The following PLCH1 variants were observed in gnomAD, a reference collection of about 807,000 sequenced individuals.
The protein encoded by PLCH1 is phospholipase C eta 1.
In PLCH1, 60 loss-of-function variants were observed where a neutral mutation model predicts 126.7. The ratio of observed to expected loss-of-function variants is 0.47; its 90% CI spans 0.38 to 0.59. The LOEUF is 0.59. PLCH1 is among the 20% of genes least tolerant of loss of function. PLCH1 has a pLI of 0.00. For synonymous variants in PLCH1, 719 were observed against 734.9 expected, an observed-to-expected ratio of 0.98 and a Z score of 0.35; for missense variants, 1,723 against 2,040.0, an observed-to-expected ratio of 0.84 and a Z score of 2.99.
intron 2 of PLCH1, among the ~76,000 whole-genome samples, chr3:155,650,637 T>C (rs974901679): frequency 6.6e-6 from 1 of 152,166 alleles, no homozygotes; most frequent in Admixed American, 6.5e-5. Flanking sequence ...GTGACGCACA[T>C]TATACCTACC....
chr3:155,736,888 C>T (rs577495881), intron 1 of PLCH1, among the ~76,000 whole-genome samples: 8 of 149,268 alleles, frequency 5.4e-5, no homozygotes, highest in Non-Finnish European at 1.2e-4. Flanking sequence ...TTTATTTTTT[C>T]TTTCATTTTA....
intron 11 of PLCH1, among the ~76,000 whole-genome samples, chr3:155,516,296 A>C (rs761010493): frequency 6.6e-6 from 1 of 152,218 alleles, no homozygotes; most frequent in African/African-American, 2.4e-5. Context: ...ACACGGCATT[A>C]CTACCTGAGT....
chr3:155,588,805 G>A (rs1252185997), intron 4 of PLCH1, among the ~76,000 whole-genome samples: 1 of 152,060 alleles, frequency 6.6e-6, no homozygotes, highest in Non-Finnish European at 1.5e-5. Flanking sequence ...TTGTGACAGT[G>A]GGTTACTCAT....
chr3:155,712,569 A>T (rs922056295), intron 1 of PLCH1, among the ~76,000 whole-genome samples: 2 of 152,120 alleles, frequency 1.3e-5, no homozygotes, highest in Non-Finnish European at 2.9e-5. Context: ...AAAAAAGGTA[A>T]ATCTTTAAAA....
At chr3:155,696,470 T>C (rs1745812127) in intron 2 of PLCH1, among the ~76,000 whole-genome samples, 1 of 152,190 alleles carries the variant, frequency 6.6e-6, no homozygotes, top group Non-Finnish European at 1.5e-5. Context: ...AATCTACTCA[T>C]GGAAAGATTT....
At chr3:155,684,223 A>C (rs1035712002) in intron 2 of PLCH1, among the ~76,000 whole-genome samples, 2 of 152,200 alleles carry the variant, frequency 1.3e-5, no homozygotes, top group Non-Finnish European at 2.9e-5. Context: ...CACTACATAT[A>C]CAGACTGGTC....
intron 2 of PLCH1, among the ~76,000 whole-genome samples, chr3:155,633,650 C>A (rs1738349832): frequency 6.6e-6 from 1 of 152,150 alleles, no homozygotes; most frequent in Non-Finnish European, 1.5e-5. Context: ...GCCAGGTGCG[C>A]TGGCCCACGC....
intron 2 of PLCH1, among the ~76,000 whole-genome samples, chr3:155,651,000 T>G (rs1211781394): frequency 1.3e-5 from 2 of 151,928 alleles, no homozygotes; most frequent in Non-Finnish European, 2.9e-5. Context: ...ATCACATCAT[T>G]GTACTCCAGC....
chr3:155,695,176 A>C (rs938760043), intron 2 of PLCH1, among the ~76,000 whole-genome samples: 1 of 152,226 alleles, frequency 6.6e-6, no homozygotes, highest in Non-Finnish European at 1.5e-5. Context: ...ATGTATAACC[A>C]ACATGGAAAG....
intron 11 of PLCH1, 78 bp from the exon 12 acceptor site, chr3:155,514,962 A>G (rs551436753): frequency 1.2e-5 from 11 of 897,600 alleles, no homozygotes; most frequent in African/African-American, 1.7e-5. Flanking sequence ...TCAAGCCACA[A>G]TTGCTTCTAT....
chr3:155,548,583 A>T (rs1725697331), intron 10 of PLCH1, among the ~76,000 whole-genome samples: 1 of 152,222 alleles, frequency 6.6e-6, no homozygotes, highest in African/African-American at 2.4e-5. Context: ...TTCTGCATTT[A>T]ACATCCTGAC....
chr3:155,702,525 A>G lies in PLCH1; in HGVS notation c.79+1621T>C, dbSNP rs59713077. Among the ~76,000 whole-genome samples the G allele has an allele frequency of 1.4e-3, 218 of 152,310 alleles. 2 individuals carry two copies. In the East Asian group the frequency reaches 0.037, roughly 26 times the overall value. On this transcript the variant is annotated intron_variant, in intron 2 of 22. Transcript: ENST00000460012. The stretch of plus-strand genomic sequence containing the variant: ...GTCCTTGAAAGGATTCCGTATGACA[A>G]TGTTAATGGTCATCAAGCCCTTAGC...
chr3:155,737,127 G>T (rs547339837), intron 1 of PLCH1, among the ~76,000 whole-genome samples: 2 of 150,406 alleles, frequency 1.3e-5, no homozygotes, highest in South Asian at 4.2e-4. Flanking sequence ...AGCTACTCCC[G>T]AGGCTGAGGC....
At chr3:155,610,556 T>C (rs1373566299) in intron 2 of PLCH1, among the ~76,000 whole-genome samples, 1 of 152,006 alleles carries the variant, frequency 6.6e-6, no homozygotes, top group African/African-American at 2.4e-5. Context: ...TGGGACCCTA[T>C]CTTTGGCCTC....
intron 2 of PLCH1, among the ~76,000 whole-genome samples, chr3:155,700,283 C>T (rs1359373040): frequency 6.6e-6 from 1 of 152,094 alleles, no homozygotes; most frequent in Non-Finnish European, 1.5e-5. Flanking sequence ...AAAAGTAATC[C>T]TTTAATTAAT....
intron 7 of PLCH1, 28 bp from the exon 8 acceptor site, chr3:155,565,146 C>G: frequency 6.6e-7 from 1 of 1,515,724 alleles, no homozygotes; most frequent in Non-Finnish European, 9.2e-7. Context: ...TGACTTACTA[C>G]AGCTTTCAAA....
intron 1 of PLCH1, among the ~76,000 whole-genome samples, chr3:155,734,482 T>A (rs1207356841): frequency 6.6e-6 from 1 of 152,046 alleles, no homozygotes; most frequent in Non-Finnish European, 1.5e-5. Flanking sequence ...AATTAAATTT[T>A]AAGAAATTAA....
At chr3:155,506,153 G>A (rs542955631) in intron 12 of PLCH1, among the ~76,000 whole-genome samples, 3 of 152,074 alleles carry the variant, frequency 2.0e-5, no homozygotes, top group African/African-American at 7.2e-5. Context: ...CATTTACTAT[G>A]CATAACCAAC....
chr3:155,671,464 A>C (rs1743445049), intron 2 of PLCH1, among the ~76,000 whole-genome samples: 1 of 152,212 alleles, frequency 6.6e-6, no homozygotes, highest in African/African-American at 2.4e-5. Flanking sequence ...AATGTAAGTA[A>C]TCACAGTAAT....
Sources: gnomAD v4.1 joint callset for allele counts (sites outside exome capture counted in the v4.1 genomes callset) on GRCh38, gnomAD v4.1.1 for gene constraint, MANE v1.5 for transcripts, NCBI Gene and HGNC (gene_info 2026-07-23, HGNC 2026-07-21) for gene names.